Variants in TOP6BL observed in about 807,000 individuals in gnomAD.
TOP6BL encodes the protein type 2 DNA topoisomerase 6 subunit B-like.
chr11:66,748,461 C>T, the TOP6BL span: 1 of 1,548,740 alleles, frequency 6.5e-7, no homozygotes, highest in Non-Finnish European at 8.7e-7. Context: ...CTAGTGATTT[C>T]CATAGAAGGA....
At chr11:66,746,721 A>T in the TOP6BL span, among the ~76,000 whole-genome samples, 1 of 151,474 alleles carries the variant, frequency 6.6e-6, no homozygotes, top group East Asian at 1.9e-4. Context: ...TCTCAAAAAA[A>T]AAAAATTAGC....
the TOP6BL span, among the ~76,000 whole-genome samples, chr11:66,831,721 T>C: frequency 6.6e-6 from 1 of 151,850 alleles, no homozygotes; most frequent in South Asian, 2.1e-4. Context: ...TTCGGCCGGG[T>C]GCGGTGGCTC....
At chr11:66,777,137 T>G in the TOP6BL span, among the ~76,000 whole-genome samples, 1 of 146,814 alleles carries the variant, frequency 6.8e-6, no homozygotes, top group African/African-American at 2.5e-5. Context: ...TGTTGTCCTA[T>G]GTCTTTTTTT....
the TOP6BL span, chr11:66,744,847 C>CGGGT: frequency 3.9e-6 from 5 of 1,284,114 alleles, no homozygotes; most frequent in South Asian, 2.6e-5. Flanking sequence ...CGGCGGCGGG[C>CGGGT]GGGTACCCTT....
chr11:66,838,892 C>T, the TOP6BL span, among the ~76,000 whole-genome samples: 5 of 152,210 alleles, frequency 3.3e-5, no homozygotes, highest in East Asian at 3.9e-4. Context: ...CCATCACGCC[C>T]GGCTAAATTT....
the TOP6BL span, among the ~76,000 whole-genome samples, chr11:66,797,335 G>A: frequency 1.3e-5 from 2 of 151,992 alleles, no homozygotes; most frequent in Non-Finnish European, 2.9e-5. Flanking sequence ...GTTATAGCGA[G>A]AAACCTCTGG....
chr11:66,761,007 T>C, the TOP6BL span, among the ~76,000 whole-genome samples: 1 of 152,104 alleles, frequency 6.6e-6, no homozygotes, highest in Admixed American at 6.6e-5. Context: ...TTTTTTTTTT[T>C]TTGGAGGAGA....
the TOP6BL span, among the ~76,000 whole-genome samples, chr11:66,766,405 A>G: frequency 1.3e-5 from 2 of 152,120 alleles, no homozygotes; most frequent in South Asian, 2.1e-4. Context: ...CTACTCACCT[A>G]CTTCTCTACT....
the TOP6BL span, among the ~76,000 whole-genome samples, chr11:66,746,655 A>G: frequency 6.6e-6 from 1 of 152,046 alleles, no homozygotes; most frequent in Non-Finnish European, 1.5e-5. Context: ...CGGAGGTTGC[A>G]GTGAGCTGAG....
chr11:66,818,214 T>G, the TOP6BL span, among the ~76,000 whole-genome samples: 1 of 152,146 alleles, frequency 6.6e-6, no homozygotes, highest in Admixed American at 6.6e-5. Context: ...TGTCAATTAT[T>G]TATTGAACAA....
the TOP6BL span, among the ~76,000 whole-genome samples, chr11:66,811,295 A>G: frequency 6.6e-6 from 1 of 152,116 alleles, no homozygotes; most frequent in African/African-American, 2.4e-5. Context: ...AATGATTTCT[A>G]TCTCTGCCAT....
the TOP6BL span, among the ~76,000 whole-genome samples, chr11:66,823,147 A>G: frequency 2.0e-5 from 3 of 151,942 alleles, no homozygotes; most frequent in East Asian, 3.9e-4. Flanking sequence ...ATACAAAATT[A>G]GCCAGTCGTG....
the TOP6BL span, among the ~76,000 whole-genome samples, chr11:66,821,205 GTCGTTGT>G: frequency 6.6e-6 from 1 of 151,988 alleles, no homozygotes; most frequent in African/African-American, 2.4e-5. Flanking sequence ...CAGTATCTCA[GTCGTTGT>G]ACTCAGTATT....
At chr11:66,842,995 AGAGG>A in the TOP6BL span, 1 of 1,550,348 alleles carries the variant, frequency 6.5e-7, no homozygotes, top group Non-Finnish European at 8.7e-7. Context: ...CCTCACTCCT[AGAGG>A]AAGGGAGCAC....
At chr11:66,796,117 G>C in the TOP6BL span, 4 of 579,924 alleles carry the variant, frequency 6.9e-6, no homozygotes, top group African/African-American at 3.7e-5. Flanking sequence ...TGGCTATTTA[G>C]ATTTTCTTTT....
At chr11:66,790,347 A>G in the TOP6BL span, among the ~76,000 whole-genome samples, 15 of 152,164 alleles carry the variant, frequency 9.9e-5, no homozygotes, top group Admixed American at 7.2e-4. Context: ...ACACGTAATT[A>G]CAATACGGTG....
the TOP6BL span, among the ~76,000 whole-genome samples, chr11:66,840,214 G>T: frequency 1.3e-5 from 2 of 152,282 alleles, no homozygotes; most frequent in Non-Finnish European, 2.9e-5. Context: ...GGAGCCTTTG[G>T]TTTGTCAGTC....
At chr11:66,806,052 G>C in the TOP6BL span, among the ~76,000 whole-genome samples, 1 of 152,226 alleles carries the variant, frequency 6.6e-6, no homozygotes, top group African/African-American at 2.4e-5. Context: ...TTTGAACATA[G>C]TAAGGAGCTA....
chr11:66,780,139 C>T, the TOP6BL span, among the ~76,000 whole-genome samples: 5 of 151,720 alleles, frequency 3.3e-5, no homozygotes, highest in Admixed American at 2.0e-4. Context: ...TGCACATGTA[C>T]CCTAAAACTT....
Sources: gnomAD v4.1 joint callset for allele counts (sites outside exome capture counted in the v4.1 genomes callset) on GRCh38, gnomAD v4.1.1 for gene constraint, MANE v1.5 for transcripts, NCBI Gene and HGNC (gene_info 2026-07-23, HGNC 2026-07-21) for gene names.